The following TBCA variants were observed in gnomAD, a reference collection of about 807,000 sequenced individuals.
The protein encoded by TBCA is tubulin-specific chaperone A.
A neutral mutation model predicts 15.8 loss-of-function variants in TBCA; 6 were observed. The ratio of observed to expected loss-of-function variants is 0.38; its 90% CI spans 0.21 to 0.75. The LOEUF (loss-of-function observed/expected upper bound fraction) is 0.75, where lower values mean the gene tolerates loss of function less well. Among genes scored for constraint, TBCA ranks in the 30% least tolerant of loss-of-function variants. The pLI is 0.46. For missense variants in TBCA, 90 were observed against 131.2 expected, an observed-to-expected ratio of 0.69 and a Z score of 1.53; for synonymous variants, 32 against 42.3, an observed-to-expected ratio of 0.76 and a Z score of 0.94.
At chr5:77,721,821 A>G (rs1746536590) in intron 1 of TBCA, among the ~76,000 whole-genome samples, 2 of 152,048 alleles carry the variant, frequency 1.3e-5, no homozygotes, top group Non-Finnish European at 2.9e-5. Flanking sequence ...TCTGTATCAA[A>G]TATTTTACCC....
At chr5:77,715,600 A>T (rs536871268) in intron 1 of TBCA, among the ~76,000 whole-genome samples, 1 of 152,310 alleles carries the variant, frequency 6.6e-6, no homozygotes, top group South Asian at 2.1e-4. Flanking sequence ...CACATGCAAC[A>T]AATGGTTATG....
intron 2 of TBCA, chr5:77,694,135 C>A (rs757406429): frequency 6.6e-6 from 1 of 152,082 alleles, no homozygotes; most frequent in South Asian, 2.1e-4. Flanking sequence ...TTGATCACAT[C>A]GTGTGCACAC....
At chr5:77,741,529 G>A (rs1046372462) in intron 1 of TBCA, among the ~76,000 whole-genome samples, 3 of 152,036 alleles carry the variant, frequency 2.0e-5, no homozygotes, top group African/African-American at 7.3e-5. Context: ...AACCATGGAA[G>A]ACTTCAAGAA....
At chr5:77,719,946 C>T (rs1746490716) in intron 1 of TBCA, among the ~76,000 whole-genome samples, 1 of 152,126 alleles carries the variant, frequency 6.6e-6, no homozygotes, top group Non-Finnish European at 1.5e-5. Context: ...CCATACAAAA[C>T]ACTCTGACAG....
chr5:77,764,275 T>C (rs1489535508), intron 1 of TBCA, among the ~76,000 whole-genome samples: 1 of 152,206 alleles, frequency 6.6e-6, no homozygotes, highest in Admixed American at 6.5e-5. Context: ...TAGATGTTAT[T>C]ACCACTGTTT....
Position 77,691,225 on chromosome 5 carries a change from A to G in TBCA, c.*193T>C. 5.5e-6 allele frequency: 3 copies of G among 544,568 alleles called. No individual in the cohort carries two copies. Among genetic ancestry groups the G allele is most frequent in the South Asian group, 3.0e-5 (1 of 33,590 alleles). The allele number at this position is 544,568 out of a possible 1,614,324, so 33.7% of individuals were successfully genotyped here. A position where few individuals can be genotyped will look rare whatever the true frequency, so the allele number is the denominator to read the frequency against. ...AAAGGTTAATTTAAAAATTTTGTAA[A>G]GTATAAAATAAACAATTTTATTAGA... On this transcript the variant is annotated 3_prime_UTR_variant, in exon 4 of 4. Coordinates refer to ENST00000380377, the MANE Select transcript of TBCA (RefSeq NM_004607.3).
At chr5:77,700,190 G>C (rs1283702439) in intron 2 of TBCA, among the ~76,000 whole-genome samples, 4 of 152,076 alleles carry the variant, frequency 2.6e-5, no homozygotes, top group Non-Finnish European at 5.9e-5. Context: ...GGGCGACCAA[G>C]CAAGATTCTG....
intron 1 of TBCA, among the ~76,000 whole-genome samples, chr5:77,771,518 G>A (rs557906877): frequency 2.3e-4 from 35 of 152,254 alleles, no homozygotes; most frequent in Admixed American, 5.9e-4. Flanking sequence ...CTAGGAACAA[G>A]ACACTCACCG....
At position 77,746,427 on chromosome 5, in the gene TBCA, A is replaced by T. The variant is rs534857814; in HGVS notation, c.53+29778T>A. ...GGTTTATTTTAACTATATAGAAAGT[A>T]TTCTGGGATAAGGGAAGATTGTCAT... On this transcript the variant is annotated intron_variant, in intron 1 of 3. Coordinates refer to ENST00000380377, the MANE Select transcript of TBCA (RefSeq NM_004607.3). 1.1e-3 allele frequency among the ~76,000 whole-genome samples: 172 copies of T among 152,336 alleles called. 2 individuals carry two copies. Among genetic ancestry groups the T allele is most frequent in the African/African-American group, 4.0e-3 (165 of 41,586 alleles).
At chr5:77,706,240 T>A (rs1456731754) in intron 2 of TBCA, among the ~76,000 whole-genome samples, 1 of 152,234 alleles carries the variant, frequency 6.6e-6, no homozygotes, top group Non-Finnish European at 1.5e-5. Context: ...TAAGATATAG[T>A]CTGTACAAGC....
chr5:77,770,698 G>C (rs1747884949), intron 1 of TBCA, among the ~76,000 whole-genome samples: 2 of 150,212 alleles, frequency 1.3e-5, no homozygotes, highest in African/African-American at 4.9e-5. Flanking sequence ...AATAGGTCTA[G>C]CAATCTGCTG....
At chr5:77,721,128 A>T (rs144412871) in intron 1 of TBCA, among the ~76,000 whole-genome samples, 23 of 152,320 alleles carry the variant, frequency 1.5e-4, no homozygotes, top group African/African-American at 5.1e-4. Flanking sequence ...ATTAGTCAGG[A>T]TATCTGAATT....
intron 1 of TBCA, among the ~76,000 whole-genome samples, chr5:77,711,914 T>C (rs1225842460): frequency 6.6e-6 from 1 of 151,906 alleles, no homozygotes; most frequent in Non-Finnish European, 1.5e-5. Flanking sequence ...TAAAAAGTCA[T>C]ATTTTGTGAA....
chr5:77,751,938 G>A (rs1352886342), intron 1 of TBCA, among the ~76,000 whole-genome samples: 6 of 152,100 alleles, frequency 3.9e-5, no homozygotes, highest in African/African-American at 7.2e-5. Context: ...TGGGTAGGGG[G>A]TGCCACAAGA....
intron 1 of TBCA, among the ~76,000 whole-genome samples, chr5:77,772,257 C>T (rs1336449034): frequency 1.3e-5 from 2 of 151,950 alleles, no homozygotes; most frequent in African/African-American, 2.4e-5. Context: ...TATAATGAAG[C>T]CCCATGATCA....
intron 1 of TBCA, among the ~76,000 whole-genome samples, chr5:77,729,439 G>A (rs1452884317): frequency 1.3e-5 from 2 of 152,134 alleles, no homozygotes; most frequent in Non-Finnish European, 2.9e-5. Context: ...GTTGACTTGT[G>A]AGCATGGAAC....
chr5:77,737,039 A>T (rs902389621), intron 1 of TBCA, among the ~76,000 whole-genome samples: 2 of 152,234 alleles, frequency 1.3e-5, no homozygotes, highest in Non-Finnish European at 2.9e-5. Flanking sequence ...AATATAGGAG[A>T]ATAACATCCC....
rs749313693 is a variant in TBCA at position 77,691,504 on chromosome 5, A to G, written c.247-6T>C. ...TCCAAGTCTTTTTCATTTTCCTAAA[A>G]TGAAATACAATAAAAATTAAGTTTA... On this transcript the variant is annotated splice_region_variant and splice_polypyrimidine_tract_variant and intron_variant, in intron 3 of 3. Coordinates refer to ENST00000380377, the MANE Select transcript of TBCA (RefSeq NM_004607.3). 10 of 1,578,752 alleles carry G rather than the reference A, an allele frequency of 6.3e-6. No individual in the cohort carries two copies. The East Asian group carries it at 2.3e-4, about 36-fold the overall frequency.
chr5:77,700,422 GATATACAGACAGC>G (rs1443095025), intron 2 of TBCA, among the ~76,000 whole-genome samples: 1 of 151,534 alleles, frequency 6.6e-6, no homozygotes, highest in African/African-American at 2.4e-5. Flanking sequence ...CACTGAAGAG[GATATACAGACAGC>G]AAATAAGCAC....
Sources: gnomAD v4.1 joint callset for allele counts (sites outside exome capture counted in the v4.1 genomes callset) on GRCh38, gnomAD v4.1.1 for gene constraint, MANE v1.5 for transcripts, NCBI Gene and HGNC (gene_info 2026-07-23, HGNC 2026-07-21) for gene names.